The following SRD5A3 variants were observed in gnomAD, a reference collection of about 807,000 sequenced individuals.
SRD5A3 encodes the protein polyprenal reductase.
A neutral mutation model predicts 34.3 loss-of-function variants in SRD5A3; 24 were observed. The ratio of observed to expected loss-of-function variants is 0.70; its 90% CI spans 0.51 to 0.99. The LOEUF (loss-of-function observed/expected upper bound fraction) is 0.99, where lower values mean the gene tolerates loss of function less well. Among genes scored for constraint, SRD5A3 ranks in the 50% least tolerant of loss-of-function variants. The pLI is 0.00. For missense variants in SRD5A3, 350 were observed against 388.2 expected (o/e 0.90, Z 0.83); for synonymous variants, 161 against 167.3 (o/e 0.96, Z 0.29).
At chr4:55,355,295 A>G (rs1212985741) in intron 1 of SRD5A3, among the ~76,000 whole-genome samples, 1 of 152,118 alleles carries the variant, frequency 6.6e-6, no homozygotes, top group Non-Finnish European at 1.5e-5. Flanking sequence ...CGTCTCTACT[A>G]AAAATACAAA....
chr4:55,348,546 TA>T (rs1299002141), intron 1 of SRD5A3, among the ~76,000 whole-genome samples: 1 of 152,152 alleles, frequency 6.6e-6, no homozygotes, highest in Non-Finnish European at 1.5e-5. Flanking sequence ...TTTTATCATT[TA>T]AAAAAATGTG....
chr4:55,356,010 T>TC (rs1318359747), intron 1 of SRD5A3, among the ~76,000 whole-genome samples: 1 of 139,962 alleles, frequency 7.1e-6, no homozygotes, highest in Admixed American at 7.3e-5. Flanking sequence ...ATTTTTTTTT[T>TC]TTTTTTTTTT....
chr4:55,353,840 A>G lies in SRD5A3; in HGVS notation c.222-5506A>G, dbSNP rs370788319. Among the ~76,000 whole-genome samples the G allele has an allele frequency of 1.9e-3, 286 of 152,028 alleles. 1 individual carries two copies. The highest frequency in any genetic ancestry group is 6.4e-3 in the African/African-American group (265 of 41,452). ...CACATCTGAACATCTGAAGGAACAAACTCTGGACACACCATTTTTAAGAAC... is the reference window on the plus strand; with the variant it reads ...CACATCTGAACATCTGAAGGAACAAGCTCTGGACACACCATTTTTAAGAAC... On this transcript the variant is annotated intron_variant, in intron 1 of 4. Transcript: ENST00000264228.
chr4:55,346,370 C>G lies in SRD5A3; in HGVS notation c.34C>G (p.Leu12Val). The G allele has an allele frequency of 6.4e-7, 1 of 1,560,306 alleles. No homozygotes were observed. The highest frequency in any genetic ancestry group is 8.7e-7 in the Non-Finnish European group (1 of 1,155,692). Reference protein sequence around the residue: ...APWAEAEHSALNPLRAVWLTL... With the variant: ...APWAEAEHSAVNPLRAVWLTL... ...CTGGGCGGAGGCCGAGCACTCGGCGCTGAACCCGCTGCGCGCGGTGTGGCT... is the reference window on the plus strand; with the variant it reads ...CTGGGCGGAGGCCGAGCACTCGGCGGTGAACCCGCTGCGCGCGGTGTGGCT... Residue 12 changes from leucine to valine, a missense_variant, in exon 1 of 5, where the codon CTG (leucine) becomes GTG (valine). Physicochemically the swap from Leu to Val is conservative, Grantham distance 32 (BLOSUM62 1). Coordinates refer to ENST00000264228, the MANE Select transcript of SRD5A3 (RefSeq NM_024592.5).
rs1406297120 is a variant in SRD5A3, at chr4:55,372,375, T to C, written c.*2284T>C. Reference sequence around the variant, plus strand: ...TGTCCAGTTTCCCACCCCTGTTTCCTGCTGTCTCTCTCCCACTCATCCCTG... The same window carrying C: ...TGTCCAGTTTCCCACCCCTGTTTCCCGCTGTCTCTCTCCCACTCATCCCTG... On this transcript the variant is annotated 3_prime_UTR_variant, in exon 5 of 5. Coordinates refer to ENST00000264228, the MANE Select transcript of SRD5A3 (RefSeq NM_024592.5). The C allele has an allele frequency of 2.0e-5, 3 of 152,204 alleles. No individual in the cohort carries two copies. Among genetic ancestry groups the C allele is most frequent in the Non-Finnish European group, 2.9e-5 (2 of 68,034 alleles). 9.4% of individuals were successfully genotyped at this position (152,204 alleles called of 1,614,324 possible). A position where few individuals can be genotyped will look rare whatever the true frequency, so the allele number is the denominator to read the frequency against.
intron 1 of SRD5A3, chr4:55,351,674 G>A (rs1719200435): frequency 3.5e-6 from 1 of 283,196 alleles, no homozygotes; most frequent in Non-Finnish European, 6.9e-6. Flanking sequence ...AAAAAGGGGT[G>A]AGCATATTTA....
At chr4:55,356,790 A>G (rs1157964621) in intron 1 of SRD5A3, among the ~76,000 whole-genome samples, 1 of 151,718 alleles carries the variant, frequency 6.6e-6, no homozygotes, top group East Asian at 1.9e-4. Context: ...GCTCACTGCA[A>G]CCTCCGCCTC....
At position 55,358,336 on chromosome 4, in the gene SRD5A3, G is replaced by C. The variant is rs534897253; in HGVS notation, c.222-1010G>C. 4.6e-5 allele frequency among the ~76,000 whole-genome samples: 7 copies of C among 152,120 alleles called. No homozygotes were observed. In the South Asian group the frequency reaches 1.2e-3, roughly 27 times the overall value. ...TCTTGAGCCCAGGAGTTTGAGACCAGCCTGGGCAGCATAGGGAGATCACAT... is the reference window on the plus strand; with the variant it reads ...TCTTGAGCCCAGGAGTTTGAGACCACCCTGGGCAGCATAGGGAGATCACAT... On this transcript the variant is annotated intron_variant, in intron 1 of 4. Transcript: ENST00000264228.
intron 3 of SRD5A3, among the ~76,000 whole-genome samples, chr4:55,366,254 T>C (rs966162129): frequency 2.0e-5 from 3 of 152,238 alleles, no homozygotes; most frequent in Non-Finnish European, 4.4e-5. Flanking sequence ...ATAAGGGACT[T>C]AGTGATTTGA....
chr4:55,360,003 G>A (rs1356438406), intron 2 of SRD5A3, among the ~76,000 whole-genome samples: 1 of 149,662 alleles, frequency 6.7e-6, no homozygotes, highest in Non-Finnish European at 1.5e-5. Flanking sequence ...ACAAGGTCAG[G>A]AGATCGAGAC....
At chr4:55,353,235 C>T (rs934167673) in intron 1 of SRD5A3, among the ~76,000 whole-genome samples, 1 of 152,120 alleles carries the variant, frequency 6.6e-6, no homozygotes, top group African/African-American at 2.4e-5. Flanking sequence ...TTCTGTCTAG[C>T]TAAAGGTTTG....
chr4:55,357,666 G>A (rs894545030), intron 1 of SRD5A3, among the ~76,000 whole-genome samples: 2 of 152,222 alleles, frequency 1.3e-5, no homozygotes, highest in Non-Finnish European at 2.9e-5. Context: ...TTCTTGTTCT[G>A]TGTGGCCAGA....
Position 55,351,791 on chromosome 4 carries a change from A to T in SRD5A3, c.221+5234A>T, listed in dbSNP as rs1719204790. 30 of 477,598 alleles carry T rather than the reference A, an allele frequency of 6.3e-5. 1 individual carries two copies. Among genetic ancestry groups the T allele is most frequent in the South Asian group, 5.0e-4 (29 of 58,108 alleles). The allele number at this position is 477,598 out of a possible 1,614,324, so 29.6% of individuals were successfully genotyped here. ...GAGAAAGCTGGTTGAAGAAAGGCAG[A>T]GGAACTGTGTCTTATGAGAATTAGA... On this transcript the variant is annotated intron_variant, in intron 1 of 4. Coordinates refer to ENST00000264228, the MANE Select transcript of SRD5A3 (RefSeq NM_024592.5).
chr4:55,367,486 C>T (rs896302645), intron 3 of SRD5A3, 102 bp from the exon 4 acceptor site: 60 of 1,369,022 alleles, frequency 4.4e-5, no homozygotes, highest in East Asian at 4.1e-4. Context: ...TATTGAGGAA[C>T]GGAATAAGTG....
intron 2 of SRD5A3, among the ~76,000 whole-genome samples, chr4:55,360,066 T>A (rs976116570): frequency 3.3e-5 from 5 of 151,504 alleles, no homozygotes; most frequent in African/African-American, 1.2e-4. Context: ...CAAAAAAAAG[T>A]TAGCTGGGCA....
At chr4:55,350,696 A>G (rs924277830) in intron 1 of SRD5A3, among the ~76,000 whole-genome samples, 3 of 152,194 alleles carry the variant, frequency 2.0e-5, no homozygotes, top group African/African-American at 7.2e-5. Context: ...GTATAACGTA[A>G]ATCAAAAAAA....
chr4:55,348,617 G>A (rs540440485), intron 1 of SRD5A3, among the ~76,000 whole-genome samples: 7 of 152,300 alleles, frequency 4.6e-5, no homozygotes, highest in Admixed American at 2.0e-4. Flanking sequence ...AACCACCATT[G>A]ACTAAATGTT....
intron 3 of SRD5A3, 119 bp from the exon 4 acceptor site, chr4:55,367,469 A>G (rs1351938434): frequency 1.0e-5 from 12 of 1,191,214 alleles, no homozygotes; most frequent in Middle Eastern, 2.1e-4. Context: ...GGGAAATTAT[A>G]TTAGGATATT....
intron 3 of SRD5A3, 142 bp downstream of exon 3, chr4:55,364,413 C>T: frequency 2.0e-6 from 2 of 1,008,128 alleles, no homozygotes; most frequent in Non-Finnish European, 3.0e-6. Context: ...AGATGAGACT[C>T]AAGTCGATTT....
Sources: allele counts gnomAD v4.1 joint callset (sites outside exome capture counted in the v4.1 genomes callset), GRCh38; gene constraint gnomAD v4.1.1; transcripts MANE v1.5; gene names NCBI Gene and HGNC (gene_info 2026-07-23, HGNC 2026-07-21).